The following LRP1B variants were observed in gnomAD, a reference collection of about 807,000 sequenced individuals.
LRP1B encodes LDL receptor related protein 1B, also known as low-density lipoprotein receptor-related protein 1B.
In LRP1B, 217 loss-of-function variants were observed where a neutral mutation model predicts 556.6. The ratio of observed to expected loss-of-function variants is 0.39; its 90% CI spans 0.35 to 0.44. The LOEUF is 0.44. LRP1B is among the 20% of genes least tolerant of loss of function. The pLI is 1.00. For synonymous variants in LRP1B, 2,047 were observed against 1,865.8 expected, an observed-to-expected ratio of 1.10 and a Z score of -2.50; for missense variants, 5,053 against 5,620.8, an observed-to-expected ratio of 0.90 and a Z score of 3.23.
chr2:141,295,418 A>C (rs544232907), intron 3 of LRP1B, among the ~76,000 whole-genome samples: 1 of 152,256 alleles, frequency 6.6e-6, no homozygotes, highest in East Asian at 1.9e-4. Flanking sequence ...CATCACACTG[A>C]CTATCTAAAG....
At chr2:141,169,937 A>C (rs1351646012) in intron 7 of LRP1B, among the ~76,000 whole-genome samples, 3 of 152,064 alleles carry the variant, frequency 2.0e-5, no homozygotes, top group African/African-American at 7.2e-5. Context: ...ACAGTTTGTA[A>C]ATATGCCCAC....
intron 23 of LRP1B, among the ~76,000 whole-genome samples, chr2:140,888,232 C>T (rs536419019): frequency 3.3e-4 from 50 of 152,062 alleles, no homozygotes; most frequent in African/African-American, 1.2e-3. Flanking sequence ...ACAAAGAATG[C>T]CAACAATTTA....
At chr2:141,613,388 C>G (rs1015793573) in intron 2 of LRP1B, among the ~76,000 whole-genome samples, 2 of 152,114 alleles carry the variant, frequency 1.3e-5, no homozygotes, top group South Asian at 4.1e-4. Context: ...TATAAGAAAC[C>G]TGCACTTCCT....
intron 27 of LRP1B, among the ~76,000 whole-genome samples, chr2:140,853,636 T>C (rs1657384129): frequency 6.6e-6 from 1 of 152,130 alleles, no homozygotes; most frequent in Non-Finnish European, 1.5e-5. Context: ...TTTTTAACAT[T>C]CCTTACATCA....
chr2:140,893,322 C>T (rs1693855583), intron 23 of LRP1B, among the ~76,000 whole-genome samples: 1 of 152,148 alleles, frequency 6.6e-6, no homozygotes, highest in South Asian at 2.1e-4. Flanking sequence ...GATTCAATCT[C>T]AACTTTTATG....
At chr2:141,912,502 T>G (rs1244506015) in intron 1 of LRP1B, among the ~76,000 whole-genome samples, 1 of 152,034 alleles carries the variant, frequency 6.6e-6, no homozygotes, top group East Asian at 1.9e-4. Context: ...CCCACAGGTA[T>G]GAGTGAAAAG....
chr2:140,261,491 C>T (rs957182851), intron 86 of LRP1B, among the ~76,000 whole-genome samples: 14 of 151,678 alleles, frequency 9.2e-5, no homozygotes, highest in African/African-American at 3.4e-4. Context: ...TGTAAATTTA[C>T]AGAAGTTTAT....
At chr2:142,021,074 A>G (rs1019113883) in intron 1 of LRP1B, among the ~76,000 whole-genome samples, 2 of 152,228 alleles carry the variant, frequency 1.3e-5, no homozygotes, top group Non-Finnish European at 2.9e-5. Flanking sequence ...CATATTAAGT[A>G]AAACAAACTT....
At chr2:140,627,752 TCTC>T (rs1218615912) in intron 41 of LRP1B, among the ~76,000 whole-genome samples, 3 of 152,090 alleles carry the variant, frequency 2.0e-5, no homozygotes, top group Non-Finnish European at 4.4e-5. Context: ...AAAAAGAATA[TCTC>T]CTGTCAACCA....
At chr2:141,549,300 C>T (rs995873264) in intron 2 of LRP1B, among the ~76,000 whole-genome samples, 8 of 152,032 alleles carry the variant, frequency 5.3e-5, no homozygotes, top group African/African-American at 1.9e-4. Context: ...GCACATAAGG[C>T]CTTTAGGATA....
chr2:141,666,114 C>A (rs1690421182), intron 2 of LRP1B, among the ~76,000 whole-genome samples: 2 of 152,184 alleles, frequency 1.3e-5, no homozygotes, highest in African/African-American at 4.8e-5. Flanking sequence ...CACATGTACC[C>A]CAGAACTTAT....
chr2:140,790,403 C>T (rs890926087), intron 32 of LRP1B, among the ~76,000 whole-genome samples: 22 of 152,124 alleles, frequency 1.4e-4, no homozygotes, highest in Non-Finnish European at 2.1e-4. Context: ...AATTATTATC[C>T]GCCAGAGCCT....
chr2:140,350,699 T>C (rs886087253), intron 77 of LRP1B, 98 bp downstream of exon 77: 2 of 959,900 alleles, frequency 2.1e-6, no homozygotes, highest in African/African-American at 3.4e-5. Flanking sequence ...ATTGAATATA[T>C]TACTTAGTAT....
intron 2 of LRP1B, among the ~76,000 whole-genome samples, chr2:141,751,372 C>T (rs1375710218): frequency 1.3e-5 from 2 of 152,042 alleles, no homozygotes; most frequent in Non-Finnish European, 2.9e-5. Context: ...ATGAATTCAT[C>T]TTTACTGTAG....
chr2:141,707,587 A>C lies in LRP1B; in HGVS notation c.205+102692T>G, dbSNP rs571955019. Among the ~76,000 whole-genome samples the C allele has an allele frequency of 1.4e-4, 22 of 152,262 alleles. No individual in the cohort carries two copies. The East Asian group carries it at 4.1e-3, about 28-fold the overall frequency. ...TGCACACACAGGGCTGTGAAATGCT[A>C]GTTGTGTCTGCACCACTGTTGAAAA... On this transcript the variant is annotated intron_variant, in intron 2 of 90. Coordinates refer to ENST00000389484, the MANE Select transcript of LRP1B (RefSeq NM_018557.3).
intron 35 of LRP1B, among the ~76,000 whole-genome samples, chr2:140,751,746 C>A (rs938241822): frequency 6.6e-6 from 1 of 152,094 alleles, no homozygotes; most frequent in Non-Finnish European, 1.5e-5. Context: ...AGTTTATCAA[C>A]CTTTAAAAAG....
At chr2:140,880,929 A>G (rs1479099943) in intron 25 of LRP1B, among the ~76,000 whole-genome samples, 1 of 152,188 alleles carries the variant, frequency 6.6e-6, no homozygotes, top group African/African-American at 2.4e-5. Context: ...AAAGAGGCTT[A>G]GAAGGATTTT....
intron 2 of LRP1B, among the ~76,000 whole-genome samples, chr2:141,688,778 T>C (rs1296320189): frequency 6.6e-6 from 1 of 151,810 alleles, no homozygotes; most frequent in Non-Finnish European, 1.5e-5. Context: ...TCAAAAACCG[T>C]TTCAATTGAG....
chr2:140,951,701 C>A (rs529273768), intron 19 of LRP1B, among the ~76,000 whole-genome samples, 159 bp downstream of exon 19: 13 of 152,252 alleles, frequency 8.5e-5, no homozygotes, highest in African/African-American at 3.1e-4. Flanking sequence ...ATGCTAATTC[C>A]CACTGATGTG....
Sources: allele counts gnomAD v4.1 joint callset (sites outside exome capture counted in the v4.1 genomes callset), GRCh38; gene constraint gnomAD v4.1.1; transcripts MANE v1.5; gene names NCBI Gene and HGNC (gene_info 2026-07-23, HGNC 2026-07-21).